SLC7A14: variants seen among roughly 807,000 people sequenced by gnomAD.
SLC7A14 encodes the protein solute carrier family 7 member 14, also known as gamma-aminobutyric acid transporter SLC7A14.
SLC7A14 carries 37 observed loss-of-function variants against 60.2 expected under a neutral mutation model. The ratio of observed to expected loss-of-function variants is 0.61; its 90% confidence interval spans 0.47 to 0.81. SLC7A14 has a LOEUF of 0.81. SLC7A14 is among the 30% of genes least tolerant of loss of function. The pLI, the probability that SLC7A14 is intolerant of heterozygous loss-of-function variation, is 0.00. For synonymous variants in SLC7A14, 399 were observed against 395.8 expected (o/e 1.01, Z -0.10); for missense variants, 886 against 982.7 (o/e 0.90, Z 1.32).
At chr3:170,550,656 G>A (rs1714322521) in intron 1 of SLC7A14, among the ~76,000 whole-genome samples, 1 of 150,944 alleles carries the variant, frequency 6.6e-6, no homozygotes, top group Admixed American at 6.6e-5. Context: ...TGAGTAGCTG[G>A]GATTACAGGT....
At position 170,553,849 on chromosome 3, in the gene SLC7A14, C is replaced by CTTT. The variant is rs3077204; in HGVS notation, c.-152-26764_-152-26762dup. Among the ~76,000 whole-genome samples the CTTT allele has an allele frequency of 6.6e-4, 95 of 143,242 alleles. No homozygotes were observed. The Middle Eastern group carries it at 0.015, about 22-fold the overall frequency. The allele number at this position is 143,242 out of a possible 152,430, so 94.0% of individuals were successfully genotyped here. ...GGTGCCCCAGCCACCGTTAAAAAAA[C>CTTT]TTTTTTTTTTTTTGGCATGGTTTGA... On this transcript the variant is annotated intron_variant, in intron 1 of 7. Coordinates refer to ENST00000231706, the MANE Select transcript of SLC7A14 (RefSeq NM_020949.3).
At chr3:170,568,212 CAGCTTTCTACATATGGCT>C (rs1714847445) in intron 1 of SLC7A14, among the ~76,000 whole-genome samples, 2 of 152,136 alleles carry the variant, frequency 1.3e-5, no homozygotes, top group East Asian at 3.8e-4. Flanking sequence ...GATCCAGTTT[CAGCTTTCTACATATGGCT>C]AGCCAGTTTT....
chr3:170,527,119 G>A, intron 1 of SLC7A14, 31 bp from the exon 2 acceptor site: 1 of 639,010 alleles, frequency 1.6e-6, no homozygotes. Context: ...AGCAGAAGAT[G>A]AGACCGAGTG....
chr3:170,531,497 G>A (rs1713679414), intron 1 of SLC7A14, among the ~76,000 whole-genome samples: 1 of 151,826 alleles, frequency 6.6e-6, no homozygotes, highest in African/African-American at 2.4e-5. Context: ...AAAGGTTGAG[G>A]GTGGCAAGAA....
intron 1 of SLC7A14, among the ~76,000 whole-genome samples, chr3:170,557,248 C>A (rs1023753134): frequency 1.7e-4 from 26 of 151,240 alleles, no homozygotes; most frequent in African/African-American, 6.3e-4. Context: ...TATGGGGATC[C>A]ATTCGTAAGG....
chr3:170,495,592 G>C (rs1217735851), intron 4 of SLC7A14: 1 of 772,156 alleles, frequency 1.3e-6, no homozygotes, highest in African/African-American at 1.7e-5. Flanking sequence ...GGTGGCCTGG[G>C]CAGAGGCTAT....
intron 1 of SLC7A14, among the ~76,000 whole-genome samples, chr3:170,581,970 C>T (rs1715248144): frequency 6.6e-6 from 1 of 152,114 alleles, no homozygotes. Flanking sequence ...AATCTATAAA[C>T]TTGGATTTTG....
chr3:170,514,497 A>G (rs1713089227), intron 2 of SLC7A14, among the ~76,000 whole-genome samples: 1 of 152,138 alleles, frequency 6.6e-6, no homozygotes, highest in African/African-American at 2.4e-5. Flanking sequence ...ATTTTCCTTT[A>G]TAGCACTCGT....
At chr3:170,475,735 CAG>C (rs1178397990) in intron 7 of SLC7A14, among the ~76,000 whole-genome samples, 4 of 151,732 alleles carry the variant, frequency 2.6e-5, no homozygotes, top group Non-Finnish European at 5.9e-5. Context: ...TTTTTTGAGA[CAG>C]AGTCTTGCTC....
intron 1 of SLC7A14, among the ~76,000 whole-genome samples, chr3:170,576,630 AAAGT>A (rs1455602658): frequency 6.6e-6 from 1 of 152,234 alleles, no homozygotes; most frequent in Non-Finnish European, 1.5e-5. Context: ...GTGGAGATGA[AAAGT>A]AAACGCTCTC....
intron 1 of SLC7A14, among the ~76,000 whole-genome samples, chr3:170,534,780 T>C (rs1352507467): frequency 6.6e-6 from 1 of 152,208 alleles, no homozygotes; most frequent in East Asian, 1.9e-4. Flanking sequence ...GAAATAATTC[T>C]TTAAAAAAAA....
chr3:170,561,276 A>C (rs1310670470), intron 1 of SLC7A14, among the ~76,000 whole-genome samples: 5 of 152,202 alleles, frequency 3.3e-5, no homozygotes, highest in Non-Finnish European at 7.4e-5. Context: ...AGCTTCTTGC[A>C]GCAAATATTT....
intron 4 of SLC7A14, among the ~76,000 whole-genome samples, chr3:170,497,593 G>A (rs1253355002): frequency 1.3e-5 from 2 of 152,124 alleles, no homozygotes; most frequent in Non-Finnish European, 1.5e-5. Flanking sequence ...TGCCTCTCTC[G>A]ACCTTAGGTT....
At chr3:170,512,521 G>A (rs996864940) in intron 2 of SLC7A14, among the ~76,000 whole-genome samples, 2 of 151,954 alleles carry the variant, frequency 1.3e-5, no homozygotes, top group Non-Finnish European at 2.9e-5. Context: ...CCTACTTCTG[G>A]TTCTCCCCTA....
intron 1 of SLC7A14, among the ~76,000 whole-genome samples, chr3:170,584,228 T>C (rs1190148862): frequency 6.6e-6 from 1 of 152,176 alleles, no homozygotes; most frequent in Non-Finnish European, 1.5e-5. Context: ...GAAACAAACA[T>C]ACAGGGCTGC....
intron 1 of SLC7A14, among the ~76,000 whole-genome samples, chr3:170,574,355 G>A (rs1041215426): frequency 1.3e-5 from 2 of 152,172 alleles, no homozygotes; most frequent in Admixed American, 6.5e-5. Context: ...AAGTGGTTTG[G>A]CAGTTGTCTT....
intron 2 of SLC7A14, among the ~76,000 whole-genome samples, chr3:170,508,739 C>T (rs190355092): frequency 3.3e-5 from 5 of 152,270 alleles, no homozygotes; most frequent in African/African-American, 9.6e-5. Context: ...TTTATGCAGC[C>T]GCAGCGGGGC....
At chr3:170,503,085 C>G (rs1257181150) in intron 2 of SLC7A14, 1 of 152,154 alleles carries the variant, frequency 6.6e-6, no homozygotes, top group East Asian at 1.9e-4. Flanking sequence ...GAGATGCTGT[C>G]AGGGATAGTG....
chr3:170,480,754 T>G lies in SLC7A14; in HGVS notation c.1528A>C (p.Asn510His). 1.2e-6 allele frequency: 2 copies of G among 1,614,174 alleles called. No individual in the cohort carries two copies. The change falls in exon 7 of 8, where the codon AAT becomes CAT. Residue 510 changes from asparagine (N) to histidine (H), a missense_variant. Coordinates refer to ENST00000231706, the MANE Select transcript of SLC7A14 (RefSeq NM_020949.3). Reference protein sequence around the residue: ...DKSTYNVNHPNYGTVDMTTGI... With the variant: ...DKSTYNVNHPHYGTVDMTTGI... ...GTGGTCATGTCCACGGTGCCGTAATTGGGGTGGTTGACGTTGTAGGTTGAC... is the reference window on the plus strand; with the variant it reads ...GTGGTCATGTCCACGGTGCCGTAATGGGGGTGGTTGACGTTGTAGGTTGAC...
Sources: allele counts gnomAD v4.1 joint callset (sites outside exome capture counted in the v4.1 genomes callset), GRCh38; gene constraint gnomAD v4.1.1; transcripts MANE v1.5; gene names NCBI Gene and HGNC (gene_info 2026-07-23, HGNC 2026-07-21).